Variants in ROBO2 observed in about 807,000 individuals in gnomAD.
ROBO2 encodes the protein roundabout guidance receptor 2.
In ROBO2, 53 loss-of-function variants were observed where a neutral mutation model predicts 160.8. That is an observed-to-expected ratio of 0.33 (90% CI 0.26 to 0.41). ROBO2 has a LOEUF of 0.41. Ranked by LOEUF, ROBO2 falls within the 10% of genes least tolerant of loss-of-function variation. The probability of loss-of-function intolerance (pLI) is 1.00; values close to 1 mark genes in which losing one functional copy is unlikely to be tolerated. For missense variants in ROBO2, 1,577 were observed against 1,722.4 expected, an observed-to-expected ratio of 0.92 and a Z score of 1.49; for synonymous variants, 664 against 611.7, an observed-to-expected ratio of 1.09 and a Z score of -1.26.
intron 2 of ROBO2, among the ~76,000 whole-genome samples, chr3:77,180,419 T>C: frequency 9.0e-6 from 1 of 110,504 alleles, no homozygotes; most frequent in Non-Finnish European, 2.0e-5. Flanking sequence ...TCTCTCTCTA[T>C]ATATATATAT....
intron 2 of ROBO2, among the ~76,000 whole-genome samples, chr3:76,199,841 A>G (rs1430536721): frequency 6.6e-6 from 1 of 152,132 alleles, no homozygotes; most frequent in African/African-American, 2.4e-5. Context: ...AATAATCTCC[A>G]GTTAAACCTT....
intron 3 of ROBO2, among the ~76,000 whole-genome samples, chr3:77,477,830 CTT>C (rs11371687): frequency 3.3e-4 from 28 of 84,456 alleles, no homozygotes; most frequent in African/African-American, 1.1e-3. Flanking sequence ...TATTTTAGCT[CTT>C]TTTTTTTTTT....
chr3:77,342,246 G>C (rs2067144098), intron 2 of ROBO2, among the ~76,000 whole-genome samples: 1 of 152,066 alleles, frequency 6.6e-6, no homozygotes, highest in Admixed American at 6.6e-5. Context: ...GTTTTATGTT[G>C]TACATAAGGA....
At chr3:76,891,851 T>C (rs2074367558) in intron 2 of ROBO2, among the ~76,000 whole-genome samples, 1 of 152,176 alleles carries the variant, frequency 6.6e-6, no homozygotes, top group African/African-American at 2.4e-5. Context: ...TTTAGTTTTG[T>C]AACATTTAGA....
intron 1 of ROBO2, among the ~76,000 whole-genome samples, chr3:77,063,805 C>T (rs180681080): frequency 8.5e-5 from 13 of 152,278 alleles, no homozygotes; most frequent in African/African-American, 3.1e-4. Context: ...CTACTGGTTT[C>T]CATTGGTTTT....
intron 2 of ROBO2, among the ~76,000 whole-genome samples, chr3:75,991,015 A>G (rs1282218640): frequency 2.0e-5 from 3 of 152,082 alleles, no homozygotes; most frequent in Non-Finnish European, 4.4e-5. Context: ...GACTTTAAAC[A>G]TTGTCACTCC....
At chr3:76,917,502 G>A (rs181907568) in intron 2 of ROBO2, among the ~76,000 whole-genome samples, 5 of 152,292 alleles carry the variant, frequency 3.3e-5, no homozygotes, top group Admixed American at 2.0e-4. Context: ...CTATGCAAAT[G>A]AATATCAACA....
At chr3:76,467,152 C>T (rs1423127642) in intron 2 of ROBO2, among the ~76,000 whole-genome samples, 1 of 151,940 alleles carries the variant, frequency 6.6e-6, no homozygotes, top group Non-Finnish European at 1.5e-5. Flanking sequence ...TGTCTAAATC[C>T]TACCAACTCT....
chr3:77,510,394 T>C (rs2089236929), intron 5 of ROBO2, among the ~76,000 whole-genome samples: 1 of 151,972 alleles, frequency 6.6e-6, no homozygotes, highest in South Asian at 2.1e-4. Flanking sequence ...GTCTGTGAAC[T>C]GAATAAGTGA....
intron 2 of ROBO2, among the ~76,000 whole-genome samples, chr3:77,222,245 T>C (rs1209762060): frequency 1.3e-5 from 2 of 152,180 alleles, no homozygotes; most frequent in African/African-American, 4.8e-5. Context: ...AGTTGAGATA[T>C]AGATCATATC....
At chr3:76,691,958 TA>T (rs1274435530) in intron 2 of ROBO2, among the ~76,000 whole-genome samples, 1 of 152,134 alleles carries the variant, frequency 6.6e-6, no homozygotes, top group African/African-American at 2.4e-5. Context: ...AGTTACATCT[TA>T]GCCAAGAATA....
At chr3:76,132,582 A>G (rs571485746) in intron 2 of ROBO2, among the ~76,000 whole-genome samples, 17 of 152,048 alleles carry the variant, frequency 1.1e-4, no homozygotes, top group African/African-American at 4.1e-4. Context: ...TGCTATGTTA[A>G]CTCTTTTCTG....
chr3:76,925,647 T>G (rs1217423255), intron 2 of ROBO2, among the ~76,000 whole-genome samples: 2 of 152,282 alleles, frequency 1.3e-5, no homozygotes, highest in East Asian at 3.9e-4. Context: ...TGCTCTTAAG[T>G]GCATGATGCA....
intron 2 of ROBO2, among the ~76,000 whole-genome samples, chr3:76,139,279 A>T (rs2071544801): frequency 1.3e-5 from 2 of 152,046 alleles, no homozygotes; most frequent in Non-Finnish European, 2.9e-5. Context: ...GCTAAGCAAC[A>T]ATTTCCTTTT....
chr3:77,358,577 A>T (rs982242066), intron 2 of ROBO2, among the ~76,000 whole-genome samples: 16 of 152,218 alleles, frequency 1.1e-4, no homozygotes, highest in Non-Finnish European at 8.8e-5. Context: ...CTTGGTAGAT[A>T]TTGAGCATTT....
At chr3:76,650,514 T>A (rs2109870779) in intron 2 of ROBO2, among the ~76,000 whole-genome samples, 1 of 152,186 alleles carries the variant, frequency 6.6e-6, no homozygotes, top group South Asian at 2.1e-4. Context: ...TATTTTCTGT[T>A]GTGAGGGAAA....
At chr3:76,906,164 A>G (rs1244492790) in intron 2 of ROBO2, among the ~76,000 whole-genome samples, 1 of 152,148 alleles carries the variant, frequency 6.6e-6, no homozygotes, top group Non-Finnish European at 1.5e-5. Context: ...TCTCATGTCA[A>G]AAACTGACAT....
intron 1 of ROBO2, among the ~76,000 whole-genome samples, chr3:75,933,030 C>A (rs947449909): frequency 6.6e-6 from 1 of 152,120 alleles, no homozygotes; most frequent in Non-Finnish European, 1.5e-5. Context: ...ACAGTTTAGA[C>A]TGAGATAAGC....
At chr3:77,498,852 G>T (rs936854657) in intron 5 of ROBO2, among the ~76,000 whole-genome samples, 3 of 152,146 alleles carry the variant, frequency 2.0e-5, no homozygotes, top group Non-Finnish European at 4.4e-5. Flanking sequence ...GATTAGGTTG[G>T]CTGGTAAAGA....
Sources: gnomAD v4.1 joint callset for allele counts (sites outside exome capture counted in the v4.1 genomes callset) on GRCh38, gnomAD v4.1.1 for gene constraint, MANE v1.5 for transcripts, NCBI Gene and HGNC (gene_info 2026-07-23, HGNC 2026-07-21) for gene names.